The following CASR variants were observed in gnomAD, a reference collection of about 807,000 sequenced individuals.
CASR encodes extracellular calcium-sensing receptor.
In CASR, 23 loss-of-function variants were observed where a neutral mutation model predicts 69.1. The ratio of observed to expected loss-of-function variants is 0.33; its 90% CI spans 0.24 to 0.47. The LOEUF (loss-of-function observed/expected upper bound fraction) is 0.47. CASR is among the 20% of genes least tolerant of loss of function. The probability of loss-of-function intolerance (pLI) is 1.00; values close to 1 mark genes in which losing one functional copy is unlikely to be tolerated. For missense variants in CASR, 924 were observed against 1,356.1 expected (o/e 0.68, Z 5.00); for synonymous variants, 541 against 544.7 (o/e 0.99, Z 0.10).
chr3:122,284,887 G>A lies in CASR; in HGVS notation c.2933G>A (p.Ser978Asn). The change falls in exon 7 of 7, where the codon AGC (serine) becomes AAC (asparagine). Residue 978 changes from serine (S) to asparagine (N), a missense_variant. This residue lies in a region of CASR where 201 missense variants were observed against 228.8 expected (regional missense o/e 0.88). Coordinates refer to ENST00000639785, the MANE Select transcript of CASR (RefSeq NM_000388.4). ...AGCGGCACGGTCACCTTCTCACTGA[G>A]CTTTGATGAGCCTCAGAAGAACGCC... is the stretch of plus-strand genomic sequence containing the variant. ...FGSGTVTFSLSFDEPQKNAMA... is the reference protein window; with the variant it reads ...FGSGTVTFSLNFDEPQKNAMA... The A allele has an allele frequency of 1.2e-6, 2 of 1,614,176 alleles. No homozygotes were observed. Among genetic ancestry groups the A allele is most frequent in the Non-Finnish European group, 1.7e-6 (2 of 1,180,016 alleles).
intron 1 of CASR, among the ~76,000 whole-genome samples, chr3:122,200,606 A>G (rs1007031529): frequency 2.0e-5 from 3 of 152,212 alleles, no homozygotes; most frequent in East Asian, 1.9e-4. Flanking sequence ...ATTTCAGTGT[A>G]TAAGTGTGCC....
chr3:122,207,141 G>A lies in CASR; in HGVS notation c.-243+23329G>A, dbSNP rs10934574. 2.0e-3 allele frequency among the ~76,000 whole-genome samples: 302 copies of A among 151,980 alleles called. 5 individuals are homozygous for A. The East Asian group carries it at 0.039, about 19-fold the overall frequency. On this transcript the variant is annotated intron_variant, in intron 1 of 6. Coordinates refer to ENST00000639785, the MANE Select transcript of CASR (RefSeq NM_000388.4). ...TCTTGCTTTTGTAGTTCCGTGAGGT[G>A]CATATTAGCAAATATTAATAGCTCT...
At chr3:122,236,329 T>C (rs1421529027) in intron 1 of CASR, among the ~76,000 whole-genome samples, 2 of 152,238 alleles carry the variant, frequency 1.3e-5, no homozygotes, top group Non-Finnish European at 2.9e-5. Context: ...GAATGTAGCA[T>C]GTTCCAAAAT....
At chr3:122,241,952 C>T (rs1317594657) in intron 1 of CASR, among the ~76,000 whole-genome samples, 1 of 152,012 alleles carries the variant, frequency 6.6e-6, no homozygotes, top group Non-Finnish European at 1.5e-5. Context: ...TCAATTGACA[C>T]TGAAAAAGCA....
At chr3:122,253,812 A>G in intron 1 of CASR, 136 bp from the exon 2 acceptor site, 1 of 255,708 alleles carries the variant, frequency 3.9e-6, no homozygotes, top group Non-Finnish European at 7.7e-6. Context: ...TAAAAATGTG[A>G]CTCCAAGCCA....
intron 3 of CASR, among the ~76,000 whole-genome samples, chr3:122,259,819 C>T (rs559096342): frequency 4.0e-5 from 6 of 151,868 alleles, no homozygotes; most frequent in East Asian, 3.9e-4. Flanking sequence ...TTAGTCGAGA[C>T]GGGGTTTCAC....
At chr3:122,202,200 C>T (rs566310950) in intron 1 of CASR, among the ~76,000 whole-genome samples, 139 of 152,378 alleles carry the variant, frequency 9.1e-4, no homozygotes, top group African/African-American at 3.2e-3. Context: ...GCAGATCACT[C>T]GCAGCTAGGA....
At chr3:122,260,411 A>G (rs1476909239) in intron 3 of CASR, among the ~76,000 whole-genome samples, 1 of 152,210 alleles carries the variant, frequency 6.6e-6, no homozygotes, top group Non-Finnish European at 1.5e-5. Flanking sequence ...AGAGAGTGCA[A>G]ACATGTCAAG....
chr3:122,226,425 C>T (rs1017821865), intron 1 of CASR, among the ~76,000 whole-genome samples: 1 of 152,018 alleles, frequency 6.6e-6, no homozygotes, highest in African/African-American at 2.4e-5. Flanking sequence ...CAGTGTGAAC[C>T]CAAAGAGTGA....
chr3:122,206,849 A>C (rs2074012214), intron 1 of CASR, among the ~76,000 whole-genome samples: 1 of 151,980 alleles, frequency 6.6e-6, no homozygotes, highest in African/African-American at 2.4e-5. Flanking sequence ...TAGATTTTCC[A>C]GTTTGTTGGC....
chr3:122,268,520 C>G (rs998523957), intron 4 of CASR, among the ~76,000 whole-genome samples: 1 of 152,184 alleles, frequency 6.6e-6, no homozygotes, highest in Non-Finnish European at 1.5e-5. Context: ...TGCCTTGAAC[C>G]CTGGGTGTTC....
intron 1 of CASR, among the ~76,000 whole-genome samples, chr3:122,240,531 T>C (rs540867873): frequency 6.6e-6 from 1 of 152,232 alleles, no homozygotes; most frequent in Admixed American, 6.5e-5. Flanking sequence ...CACCCAGATA[T>C]ACAAATCAAA....
At chr3:122,196,285 G>A (rs1165532161) in intron 1 of CASR, among the ~76,000 whole-genome samples, 1 of 151,950 alleles carries the variant, frequency 6.6e-6, no homozygotes, top group African/African-American at 2.4e-5. Context: ...CATACCATAG[G>A]ATTTCAGATT....
chr3:122,282,882 A>G (rs1265491307), intron 6 of CASR, among the ~76,000 whole-genome samples: 1 of 152,238 alleles, frequency 6.6e-6, no homozygotes, highest in Admixed American at 6.5e-5. Context: ...AGAGGTTAAG[A>G]AGCTTGATCA....
intron 1 of CASR, among the ~76,000 whole-genome samples, chr3:122,223,991 C>A (rs549395080): frequency 2.6e-5 from 4 of 152,160 alleles, no homozygotes; most frequent in Non-Finnish European, 5.9e-5. Context: ...ATTCAACAGC[C>A]CTTCATATTA....
rs201771940 is a variant in CASR at position 122,284,756 on chromosome 3, G to A, written c.2802G>A (p.Gln934=). The part of the protein sequence containing the change: ...FPQPERQKQQ[Q]PLALTQQEQQ... Reference sequence around the variant, plus strand: ...AGCCCGAGAGGCAGAAGCAGCAGCAGCCGCTGGCCCTAACCCAGCAAGAGC... The same window carrying A: ...AGCCCGAGAGGCAGAAGCAGCAGCAACCGCTGGCCCTAACCCAGCAAGAGC... Residue 934 remains glutamine, a synonymous_variant, in exon 7 of 7, where the codon CAG becomes CAA. Coordinates refer to ENST00000639785, the MANE Select transcript of CASR (RefSeq NM_000388.4). The A allele has an allele frequency of 9.9e-6, 16 of 1,614,142 alleles. No individual in the cohort carries two copies. In the East Asian group the frequency reaches 3.6e-4, roughly 36 times the overall value.
At chr3:122,269,989 G>GCAC (rs1307272955) in intron 4 of CASR, among the ~76,000 whole-genome samples, 2 of 151,978 alleles carry the variant, frequency 1.3e-5, no homozygotes, top group African/African-American at 4.8e-5. Flanking sequence ...TTACAGGCAT[G>GCAC]CACCACCACC....
In CASR at chr3:122,254,053, C is replaced by T. The variant is rs201074178; in HGVS notation, c.-137C>T. On this transcript the variant is annotated 5_prime_UTR_variant, in exon 2 of 7. The change creates a new upstream start codon in the 5' untranslated region. Transcript: ENST00000639785. ...GGCAGAAATGGAGATTCAAACACCA[C>T]GTCTTCTATTATTTTATTAATCAAT... 116 of 841,044 alleles carry T rather than the reference C, an allele frequency of 1.4e-4. 1 individual carries two copies. Among genetic ancestry groups the T allele is most frequent in the South Asian group, 6.6e-4 (49 of 74,592 alleles). 52.1% of individuals were successfully genotyped at this position (841,044 alleles called of 1,614,324 possible).
At chr3:122,208,297 C>T (rs941320037) in intron 1 of CASR, among the ~76,000 whole-genome samples, 2 of 152,106 alleles carry the variant, frequency 1.3e-5, no homozygotes, top group Non-Finnish European at 2.9e-5. Flanking sequence ...CCACCTTAGC[C>T]TCTTGAGCAG....
Sources: allele counts gnomAD v4.1 joint callset (sites outside exome capture counted in the v4.1 genomes callset), GRCh38; gene constraint gnomAD v4.1.1; regional missense constraint gnomAD v4.1.1; transcripts MANE v1.5; gene names NCBI Gene and HGNC (gene_info 2026-07-23, HGNC 2026-07-21).